The following NCKAP5L variants were observed in gnomAD, a reference collection of about 807,000 sequenced individuals.
The protein encoded by NCKAP5L is nck-associated protein 5-like.
Under a neutral mutation model 103.2 loss-of-function variants are expected in NCKAP5L, and 54 were observed. The ratio of observed to expected loss-of-function variants is 0.52; its 90% CI spans 0.42 to 0.66. NCKAP5L has a LOEUF of 0.66. Among genes scored for constraint, NCKAP5L ranks in the 30% least tolerant of loss-of-function variants. The pLI, the probability that NCKAP5L is intolerant of heterozygous loss-of-function variation, is 0.00. For missense variants in NCKAP5L, 1,733 were observed against 1,750.6 expected, an observed-to-expected ratio of 0.99 and a Z score of 0.18; for synonymous variants, 762 against 748.6, an observed-to-expected ratio of 1.02 and a Z score of -0.29.
At position 49,796,452 on chromosome 12, in the gene NCKAP5L, T is replaced by C; in HGVS notation, c.1408A>G (p.Ser470Gly). ...GGACTGAGCTGCGGGCCTCCTGGGC[T>C]GGGGCTCTTCTCCGAGGTTGGAGGC... is the stretch of plus-strand genomic sequence containing the variant. ...KLPPTSEKSP[S>G]PGGPQLSPQL... The change falls in exon 8 of 13, where the codon AGC (serine) becomes GGC (glycine). Residue 470 changes from serine (S) to glycine (G), a missense_variant. Transcript: ENST00000335999. 1 of 1,538,308 alleles carries C rather than the reference T, an allele frequency of 6.5e-7. No individual in the cohort carries two copies. The highest frequency in any genetic ancestry group is 8.7e-7 in the Non-Finnish European group (1 of 1,144,244).
At chr12:49,799,467 G>C (rs972665457) in intron 6 of NCKAP5L, among the ~76,000 whole-genome samples, 4 of 151,796 alleles carry the variant, frequency 2.6e-5, no homozygotes, top group Non-Finnish European at 4.4e-5. Flanking sequence ...GTGTCACCAT[G>C]CCTGGCTAAT....
At chr12:49,817,548 A>AAT (rs754389557) in intron 1 of NCKAP5L, among the ~76,000 whole-genome samples, 1,561 of 152,286 alleles carry the variant, frequency 0.01, 11 homozygotes, top group South Asian at 0.027. Context: ...TGGAGGCATT[A>AAT]CACTAACTGA....
At chr12:49,803,283 T>C (rs1184826697) in intron 3 of NCKAP5L, 118 bp from the exon 4 acceptor site, 9 of 923,270 alleles carry the variant, frequency 9.7e-6, no homozygotes, top group Non-Finnish European at 1.5e-5. Flanking sequence ...ATACCCCCAC[T>C]CCAGCTCTTG....
At chr12:49,822,826 C>T (rs968963544) in intron 1 of NCKAP5L, among the ~76,000 whole-genome samples, 1 of 152,104 alleles carries the variant, frequency 6.6e-6, no homozygotes, top group African/African-American at 2.4e-5. Flanking sequence ...GGGCATGAGC[C>T]ACCGTGCCCA....
At chr12:49,793,134 C>A (rs1945967896) in intron 10 of NCKAP5L, 148 bp from the exon 11 acceptor site, 6 of 796,060 alleles carry the variant, frequency 7.5e-6, no homozygotes, top group Non-Finnish European at 9.7e-6. Flanking sequence ...GTCCACCAAC[C>A]CCACCTGCCC....
In NCKAP5L at chr12:49,803,012, C is replaced by G. The variant is rs761180861; in HGVS notation, c.193-16G>C. On this transcript the variant is annotated splice_polypyrimidine_tract_variant and intron_variant, in intron 4 of 12. Coordinates refer to ENST00000335999, the MANE Select transcript of NCKAP5L (RefSeq NM_001037806.4). ...GGTTGGCAACCTGGGGACAGAAAGCCCCGAGGCAGAGCCATCAGCTGACCC... is the reference window on the plus strand; with the variant it reads ...GGTTGGCAACCTGGGGACAGAAAGCGCCGAGGCAGAGCCATCAGCTGACCC... 4 of 1,614,114 alleles carry G rather than the reference C, an allele frequency of 2.5e-6. No individual in the cohort carries two copies. Among genetic ancestry groups the G allele is most frequent in the Non-Finnish European group, 3.4e-6 (4 of 1,180,050 alleles).
chr12:49,802,675 G>A (rs1298095016), intron 5 of NCKAP5L: 5 of 491,664 alleles, frequency 1.0e-5, no homozygotes, highest in Admixed American at 1.0e-4. Flanking sequence ...TGCCATTTAG[G>A]CTCACAACAT....
intron 1 of NCKAP5L, among the ~76,000 whole-genome samples, chr12:49,810,721 G>C (rs1946231100): frequency 6.6e-6 from 1 of 152,192 alleles, no homozygotes; most frequent in Non-Finnish European, 1.5e-5. Flanking sequence ...TGCAAAAATA[G>C]AGAACAATGA....
At position 49,797,950 on chromosome 12, in the gene NCKAP5L, C is replaced by T. The variant is rs1946077021; in HGVS notation, c.465+400G>A. On this transcript the variant is annotated intron_variant, in intron 7 of 12. Coordinates refer to ENST00000335999, the MANE Select transcript of NCKAP5L (RefSeq NM_001037806.4). This position sits in a 1 kb window ranked among gnomAD's most constrained non-coding sequence, Gnocchi z 4.5. ...AGCATAGTGTGGTATAGTGGGCAAC[C>T]CATAGGCTCTGGAGTCAGCCTGTGT... 6.6e-6 allele frequency among the ~76,000 whole-genome samples: 1 copy of T among 152,158 alleles called. No homozygotes were observed. Among genetic ancestry groups the T allele is most frequent in the Admixed American group, 6.5e-5 (1 of 15,276 alleles).
At chr12:49,813,592 A>G (rs1946264458) in intron 1 of NCKAP5L, among the ~76,000 whole-genome samples, 1 of 152,006 alleles carries the variant, frequency 6.6e-6, no homozygotes, top group African/African-American at 2.4e-5. Flanking sequence ...CAGTGGCGCG[A>G]TTTCAGCTCA....
At chr12:49,803,033 G>A (rs1202979401) in intron 4 of NCKAP5L, 37 bp from the exon 5 acceptor site, 2 of 1,614,246 alleles carry the variant, frequency 1.2e-6, no homozygotes, top group Non-Finnish European at 1.7e-6. Flanking sequence ...GCCATCAGCT[G>A]ACCCCAGCTT....
intron 2 of NCKAP5L, chr12:49,805,290 G>T (rs1946167531): frequency 6.6e-6 from 1 of 152,268 alleles, no homozygotes; most frequent in Non-Finnish European, 1.5e-5. Context: ...GTAGGAGACA[G>T]ACTGATGACT....
rs1946076757 is a variant in NCKAP5L, at chr12:49,797,921, G to A, written c.465+429C>T. ...GACGCCATGCCCAGCCCTTTCTCAG[G>A]TGTAGCATAGTGTGGTATAGTGGGC... On this transcript the variant is annotated intron_variant, in intron 7 of 12. Coordinates refer to ENST00000335999, the MANE Select transcript of NCKAP5L (RefSeq NM_001037806.4). This position sits in a 1 kb window ranked among gnomAD's most constrained non-coding sequence, Gnocchi z 4.5. Among the ~76,000 whole-genome samples the A allele has an allele frequency of 6.6e-6, 1 of 152,186 alleles. No homozygotes were observed. Among genetic ancestry groups the A allele is most frequent in the Admixed American group, 6.5e-5 (1 of 15,270 alleles).
At position 49,796,012 on chromosome 12, in the gene NCKAP5L, C is replaced by T; in HGVS notation, c.1848G>A (p.Gly616=). 1 of 1,547,380 alleles carries T rather than the reference C, an allele frequency of 6.5e-7. No individual in the cohort carries two copies. The highest frequency in any genetic ancestry group is 2.2e-5 in the East Asian group (1 of 44,478). ...TGTCCAAACTCTTCTCTTGGGGGCT[C>T]CCATAGGGGTACGATTCTGGGAGGC... ...SPCLPESYPY[G]SPQEKSLDKA... Residue 616 remains glycine, a synonymous_variant, in exon 8 of 13, where the codon GGG becomes GGA. Transcript: ENST00000335999.
intron 8 of NCKAP5L, among the ~76,000 whole-genome samples, chr12:49,794,491 G>C (rs898068649): frequency 1.3e-5 from 2 of 152,104 alleles, no homozygotes; most frequent in Non-Finnish European, 2.9e-5. Context: ...TCACATGCAG[G>C]CTGCCTCATC....
rs1250613294 is a variant in NCKAP5L at position 49,814,158 on chromosome 12, A to ATT, written c.-98-8119_-98-8118dup. 5.2e-3 allele frequency among the ~76,000 whole-genome samples: 478 copies of ATT among 91,864 alleles called. 6 individuals are homozygous for ATT. Among genetic ancestry groups the ATT allele is most frequent in the African/African-American group, 0.032 (449 of 14,078 alleles). 60.3% of individuals were successfully genotyped at this position (91,864 alleles called of 152,430 possible). A position where few individuals can be genotyped will look rare whatever the true frequency, so the allele number is the denominator to read the frequency against. On this transcript the variant is annotated intron_variant, in intron 1 of 12. Transcript: ENST00000335999. ...TCTAGATACAAGTCCTTTATTTTATATTTATATATATATATATATATATGA... is the reference window on the plus strand; with the variant it reads ...TCTAGATACAAGTCCTTTATTTTATATTTTTATATATATATATATATATATGA...
chr12:49,826,787 C>T lies in NCKAP5L; in HGVS notation c.-99+1535G>A, dbSNP rs150265272. On this transcript the variant is annotated intron_variant, in intron 1 of 12. Coordinates refer to ENST00000335999, the MANE Select transcript of NCKAP5L (RefSeq NM_001037806.4). ...TATTGATACCCGCTTGCTCCCCAAACACTTAGGTCTTCACCGGCCTATCAT... is the reference window on the plus strand; with the variant it reads ...TATTGATACCCGCTTGCTCCCCAAATACTTAGGTCTTCACCGGCCTATCAT... 2.3e-4 allele frequency among the ~76,000 whole-genome samples: 35 copies of T among 152,300 alleles called. 1 individual carries two copies. The highest frequency in any genetic ancestry group is 3.1e-4 in the Non-Finnish European group (21 of 68,026).
At position 49,795,445 on chromosome 12, in the gene NCKAP5L, G is replaced by C; in HGVS notation, c.2415C>G (p.Gly805=). The part of the protein sequence containing the change: ...AKVPTSAPSL[G]KPNKSPHSSP... ...TGCTGTGAGGGCTCTTATTGGGCTT[G>C]CCCAGGCTTGGGGCTGAGGTTGGCA... The change falls in exon 8 of 13, where the codon GGC becomes GGG. Residue 805 remains glycine, a synonymous_variant. Transcript: ENST00000335999. 1 of 1,574,642 alleles carries C rather than the reference G, an allele frequency of 6.4e-7. No individual in the cohort carries two copies. Among genetic ancestry groups the C allele is most frequent in the Non-Finnish European group, 8.6e-7 (1 of 1,164,690 alleles).
chr12:49,803,980 T>A lies in NCKAP5L; in HGVS notation c.65A>T (p.Asp22Val), dbSNP rs760385522. ...PGNPRPGEGDDGSMEPGTCQE... is the reference protein window; with the variant it reads ...PGNPRPGEGDVGSMEPGTCQE... ...GCAGGTGCCTGGCTCCATGCTGCCA[T>A]CATCACCCTCTCCTGGCCTTGGGTT... Residue 22 changes from aspartate (D) to valine (V), a missense_variant, in exon 3 of 13, where the codon GAT (aspartate) becomes GTT (valine). Physicochemically the swap from Asp to Val is radical, Grantham distance 152 (BLOSUM62 -3). Coordinates refer to ENST00000335999, the MANE Select transcript of NCKAP5L (RefSeq NM_001037806.4). The A allele has an allele frequency of 1.4e-5, 23 of 1,612,226 alleles. No homozygotes were observed. The highest frequency in any genetic ancestry group is 1.9e-5 in the Non-Finnish European group (23 of 1,179,982).
Sources: gnomAD v4.1 joint callset for allele counts (sites outside exome capture counted in the v4.1 genomes callset) on GRCh38, gnomAD v4.1.1 for gene constraint, Gnocchi (gnomAD v3.1) non-coding constraint, MANE v1.5 for transcripts, NCBI Gene and HGNC (gene_info 2026-07-23, HGNC 2026-07-21) for gene names.